Variants in NBAS observed in about 807,000 individuals in gnomAD.
NBAS encodes the protein NBAS subunit of NRZ tethering complex.
In NBAS, 219 loss-of-function variants were observed where a neutral mutation model predicts 302.5. The ratio of observed to expected loss-of-function variants is 0.72; its 90% CI spans 0.65 to 0.81. NBAS has a LOEUF of 0.81. Ranked by LOEUF, NBAS falls within the 30% of genes least tolerant of loss-of-function variation. The pLI is 0.00. For synonymous variants in NBAS, 1,118 were observed against 1,021.6 expected, an observed-to-expected ratio of 1.09 and a Z score of -1.80; for missense variants, 2,932 against 2,841.6, an observed-to-expected ratio of 1.03 and a Z score of -0.72.
chr2:15,213,448 T>C (rs563693339), intron 48 of NBAS, among the ~76,000 whole-genome samples: 38 of 152,344 alleles, frequency 2.5e-4, no homozygotes, highest in Admixed American at 2.2e-3. Flanking sequence ...TGATTTCTCA[T>C]CTCTAATCAA....
chr2:14,826,032 A>G, the NBAS span, among the ~76,000 whole-genome samples: 33 of 152,370 alleles, frequency 2.2e-4, no homozygotes, highest in South Asian at 6.6e-3. Flanking sequence ...AGTACCCATG[A>G]GACCATAAGT....
chr2:15,252,422 C>T lies in NBAS; in HGVS notation c.5725-13736G>A, dbSNP rs183450909. 3.3e-3 allele frequency among the ~76,000 whole-genome samples: 508 copies of T among 152,000 alleles called. 2 individuals carry two copies. The highest frequency in any genetic ancestry group is 0.011 in the African/African-American group (468 of 41,452). ...CTGAGGCAGGAGAATCACTTGAACC[C>T]GGGAGGTGGAGGTTGCAGTGAGCTG... On this transcript the variant is annotated intron_variant, in intron 44 of 51. Coordinates refer to ENST00000281513, the MANE Select transcript of NBAS (RefSeq NM_015909.4).
intron 51 of NBAS, among the ~76,000 whole-genome samples, chr2:15,170,115 A>ACC (rs1226048036): frequency 6.6e-6 from 1 of 151,768 alleles, no homozygotes; most frequent in African/African-American, 2.4e-5. Context: ...TTACTCACTA[A>ACC]CCCTCCCCTC....
At chr2:15,098,976 C>T in the NBAS span, among the ~76,000 whole-genome samples, 48 of 150,608 alleles carry the variant, frequency 3.2e-4, no homozygotes, top group African/African-American at 8.5e-4. Flanking sequence ...TATATATATA[C>T]ACACACACAC....
the NBAS span, among the ~76,000 whole-genome samples, chr2:14,800,411 G>A: frequency 6.6e-6 from 1 of 152,196 alleles, no homozygotes; most frequent in Non-Finnish European, 1.5e-5. Flanking sequence ...CGCCATGATT[G>A]TGATGCTTCC....
chr2:15,301,829 A>C (rs895522042), intron 40 of NBAS, among the ~76,000 whole-genome samples: 1 of 152,232 alleles, frequency 6.6e-6, no homozygotes, highest in Non-Finnish European at 1.5e-5. Context: ...AAATGGTAGC[A>C]AAAAGCATTA....
At chr2:15,371,170 T>C (rs114786873) in intron 31 of NBAS, among the ~76,000 whole-genome samples, 4,192 of 152,294 alleles carry the variant, frequency 0.028, 154 homozygotes, top group African/African-American at 0.084. Flanking sequence ...TTCTCAAATA[T>C]ACTCTTCTCT....
At chr2:15,296,183 C>T (rs1041295041) in intron 40 of NBAS, among the ~76,000 whole-genome samples, 5 of 152,108 alleles carry the variant, frequency 3.3e-5, no homozygotes, top group Non-Finnish European at 7.4e-5. Context: ...AGATATAAAG[C>T]AAAGGAGCAT....
intron 32 of NBAS, 55 bp downstream of exon 32, chr2:15,366,525 A>T: frequency 8.8e-6 from 13 of 1,478,520 alleles, no homozygotes; most frequent in Non-Finnish European, 1.2e-5. Flanking sequence ...TCCTGCAATG[A>T]TGTCAAGAAT....
chr2:14,958,912 A>G, the NBAS span, among the ~76,000 whole-genome samples: 1 of 152,248 alleles, frequency 6.6e-6, no homozygotes, highest in Middle Eastern at 3.2e-3. Flanking sequence ...CCTGAGGATT[A>G]TAAAAGGGAT....
At chr2:15,193,884 G>A (rs1384583817) in intron 48 of NBAS, among the ~76,000 whole-genome samples, 1 of 151,860 alleles carries the variant, frequency 6.6e-6, no homozygotes, top group Non-Finnish European at 1.5e-5. Context: ...TAAACTATAG[G>A]AGTCATAAAA....
In NBAS at chr2:15,205,638, G is replaced by A. The variant is rs1040978461; in HGVS notation, c.6432+13135C>T. Among the ~76,000 whole-genome samples the A allele has an allele frequency of 1.5e-4, 23 of 152,162 alleles. No homozygotes were observed. In the South Asian group the frequency reaches 4.4e-3, roughly 29 times the overall value. On this transcript the variant is annotated intron_variant, in intron 48 of 51. Transcript: ENST00000281513. ...TTGGCTCTGTGTCCCCACTCAAATC[G>A]CATCTCGAATTATAATCCCCACATT...
At chr2:15,034,290 A>AAGAAAGAAAGAAAG in the NBAS span, among the ~76,000 whole-genome samples, 1 of 96,012 alleles carries the variant, frequency 1.0e-5, no homozygotes, top group Non-Finnish European at 2.2e-5. Context: ...GAAAGAAAGA[A>AAGAAAGAAAGAAAG]AGAAAGAAAG....
chr2:15,471,473 A>C (rs1210272766), intron 16 of NBAS, among the ~76,000 whole-genome samples: 2 of 152,210 alleles, frequency 1.3e-5, no homozygotes, highest in Middle Eastern at 3.2e-3. Flanking sequence ...AAATTTTCCC[A>C]GTGTTTCCTA....
chr2:14,804,217 T>C, the NBAS span, among the ~76,000 whole-genome samples: 51 of 152,302 alleles, frequency 3.3e-4, no homozygotes, highest in Middle Eastern at 3.4e-3. Flanking sequence ...TGCCTTTCTG[T>C]TTCAGTTCTC....
chr2:15,483,380 GA>G, intron 12 of NBAS: 1 of 422,956 alleles, frequency 2.4e-6, no homozygotes. Flanking sequence ...TACTATGTGT[GA>G]AAAAGAAAAT....
intron 11 of NBAS, among the ~76,000 whole-genome samples, chr2:15,500,673 C>T (rs761760123): frequency 6.6e-5 from 10 of 151,690 alleles, no homozygotes; most frequent in Middle Eastern, 3.4e-3. Flanking sequence ...CGGTGGCTCA[C>T]GCCTGTAATC....
At chr2:14,803,383 T>C in the NBAS span, among the ~76,000 whole-genome samples, 1 of 152,216 alleles carries the variant, frequency 6.6e-6, no homozygotes, top group Non-Finnish European at 1.5e-5. Context: ...TCTCTCTTTG[T>C]GCAGCTCTAT....
At chr2:15,493,749 AAAT>A (rs1166880580) in intron 11 of NBAS, among the ~76,000 whole-genome samples, 1 of 152,018 alleles carries the variant, frequency 6.6e-6, no homozygotes, top group Non-Finnish European at 1.5e-5. Flanking sequence ...CAGCACAAGT[AAAT>A]AATAATCTTG....
Sources: gnomAD v4.1 joint callset for allele counts (sites outside exome capture counted in the v4.1 genomes callset) on GRCh38, gnomAD v4.1.1 for gene constraint, MANE v1.5 for transcripts, NCBI Gene and HGNC (gene_info 2026-07-23, HGNC 2026-07-21) for gene names.